The following CTDSPL2 variants were observed in gnomAD, a reference collection of about 807,000 sequenced individuals.
CTDSPL2 encodes the protein CTD small phosphatase-like protein 2.
CTDSPL2 carries 5 observed loss-of-function variants against 60.0 expected under a neutral mutation model. The observed-to-expected ratio is 0.08, with a 90% CI of 0.04 to 0.18. CTDSPL2 has a LOEUF of 0.18. CTDSPL2 is among the 10% of genes least tolerant of loss of function. The pLI is 1.00. For missense variants in CTDSPL2, 370 were observed against 548.8 expected (o/e 0.67, Z 3.26); for synonymous variants, 186 against 189.3 (o/e 0.98, Z 0.14).
chr15:44,496,343 G>C, intron 5 of CTDSPL2, 37 bp from the exon 6 acceptor site: 2 of 1,400,322 alleles, frequency 1.4e-6, no homozygotes, highest in Non-Finnish European at 2.0e-6. Context: ...GAAGCATTAA[G>C]TAAAAGCAAC....
At chr15:44,495,691 T>C (rs1273981121) in intron 5 of CTDSPL2, among the ~76,000 whole-genome samples, 2 of 152,116 alleles carry the variant, frequency 1.3e-5, no homozygotes, top group African/African-American at 4.8e-5. Flanking sequence ...CCCAACACTT[T>C]GGGAGGTTGA....
intron 8 of CTDSPL2, among the ~76,000 whole-genome samples, chr15:44,504,482 T>C (rs1325087012): frequency 6.6e-6 from 1 of 152,252 alleles, no homozygotes; most frequent in East Asian, 1.9e-4. Context: ...TTTATAATTT[T>C]GTAGTAAATA....
chr15:44,524,042 T>A, intron 12 of CTDSPL2, 67 bp from the exon 13 acceptor site: 1 of 1,212,164 alleles, frequency 8.2e-7, no homozygotes. Flanking sequence ...AAGGTAAGAA[T>A]GTATGTTATG....
chr15:44,518,462 T>G (rs557703534), intron 10 of CTDSPL2, among the ~76,000 whole-genome samples: 2 of 152,354 alleles, frequency 1.3e-5, no homozygotes, highest in East Asian at 3.9e-4. Context: ...TCTGAATTCC[T>G]CATTTCACTT....
intron 8 of CTDSPL2, among the ~76,000 whole-genome samples, chr15:44,509,948 T>C (rs938198885): frequency 1.3e-5 from 2 of 151,406 alleles, no homozygotes; most frequent in African/African-American, 4.9e-5. Context: ...TATATATTCA[T>C]TTTCTGTGTA....
At chr15:44,433,617 G>A (rs1040550695) in intron 1 of CTDSPL2, among the ~76,000 whole-genome samples, 11 of 151,800 alleles carry the variant, frequency 7.2e-5, no homozygotes, top group African/African-American at 2.4e-4. Flanking sequence ...TGAGTAGCTA[G>A]GACTACAGGT....
At chr15:44,510,250 G>T (rs1203024349) in intron 8 of CTDSPL2, among the ~76,000 whole-genome samples, 1 of 152,048 alleles carries the variant, frequency 6.6e-6, no homozygotes, top group East Asian at 1.9e-4. Context: ...CACTCGTCTT[G>T]GCCTCCCAAA....
intron 1 of CTDSPL2, among the ~76,000 whole-genome samples, chr15:44,450,859 A>G (rs965019680): frequency 6.6e-6 from 1 of 152,086 alleles, no homozygotes; most frequent in Non-Finnish European, 1.5e-5. Flanking sequence ...TGGCCTCCCA[A>G]AGTGCTGGGA....
Position 44,500,228 on chromosome 15 carries a change from G to C in CTDSPL2, c.969+415G>C, listed in dbSNP as rs532610367. Among the ~76,000 whole-genome samples, 12 of 152,268 alleles carry C rather than the reference G, an allele frequency of 7.9e-5. No homozygotes were observed. In the South Asian group the frequency reaches 2.5e-3, roughly 32 times the overall value. On this transcript the variant is annotated intron_variant, in intron 8 of 12. Coordinates refer to ENST00000260327, the MANE Select transcript of CTDSPL2 (RefSeq NM_016396.3). The stretch of plus-strand genomic sequence containing the variant: ...ATTTCCTATAGTAGTAATGTGGTCT[G>C]TGAAAATTACACTTTAGTACATCTC...
chr15:44,432,630 A>T (rs543149703), intron 1 of CTDSPL2, among the ~76,000 whole-genome samples: 5 of 139,504 alleles, frequency 3.6e-5, no homozygotes, highest in South Asian at 4.6e-4. Flanking sequence ...TATTATTATT[A>T]TTTTTTTGAA....
At position 44,524,738 on chromosome 15, in the gene CTDSPL2, AATTT is replaced by A; in HGVS notation, c.*565_*568del. 6.5e-6 allele frequency: 1 copy of A among 152,760 alleles called. No individual in the cohort carries two copies. Among genetic ancestry groups the A allele is most frequent in the East Asian group, 1.9e-4 (1 of 5,180 alleles). The allele number at this position is 152,760 out of a possible 1,614,324, so 9.5% of individuals were successfully genotyped here. On this transcript the variant is annotated 3_prime_UTR_variant, in exon 13 of 13. Transcript: ENST00000260327. Reference sequence around the variant, plus strand: ...GCTTCATAGTTTTCTGGAGATAGTCAATTTTTAGTTTTTTATTATACATTTGAAT... The same window carrying A: ...GCTTCATAGTTTTCTGGAGATAGTCATTAGTTTTTTATTATACATTTGAAT...
rs769813883 is a variant in CTDSPL2 at position 44,459,112 on chromosome 15, G to C, written c.98G>C (p.Ser33Thr). Residue 33 changes from serine to threonine, a missense_variant, in exon 2 of 13, where the codon AGC (serine) becomes ACC (threonine). Coordinates refer to ENST00000260327, the MANE Select transcript of CTDSPL2 (RefSeq NM_016396.3). ...AGGAAATATTCAGAGGTTGATGATA[G>C]CCTGCCTTCAGGAGGAGAAAAACCA... ...AKRKYSEVDD[S>T]LPSGGEKPSK... 6.2e-7 allele frequency: 1 copy of C among 1,613,310 alleles called. No individual in the cohort carries two copies. Among genetic ancestry groups the C allele is most frequent in the Non-Finnish European group, 8.5e-7 (1 of 1,179,588 alleles).
At chr15:44,476,926 G>T (rs891318128) in intron 2 of CTDSPL2, among the ~76,000 whole-genome samples, 25 of 152,190 alleles carry the variant, frequency 1.6e-4, no homozygotes, top group African/African-American at 6.0e-4. Flanking sequence ...GAGCACAGTA[G>T]AAGTGCACAA....
At chr15:44,523,975 ATCTC>A in intron 12 of CTDSPL2, 130 bp from the exon 13 acceptor site, 1 of 662,862 alleles carries the variant, frequency 1.5e-6, no homozygotes, top group Non-Finnish European at 2.7e-6. Flanking sequence ...TCTGTGTAGT[ATCTC>A]TATTTGGCAA....
Position 44,427,677 on chromosome 15 carries a change from C to G in CTDSPL2, c.-120C>G, listed in dbSNP as rs2141238837. Reference sequence around the variant, plus strand: ...TGGCGACTGGCTGAAGGAGCTGGTTCTGTTGCTGCTGCGGGGTAAGCGGGA... The same window carrying G: ...TGGCGACTGGCTGAAGGAGCTGGTTGTGTTGCTGCTGCGGGGTAAGCGGGA... On this transcript the variant is annotated 5_prime_UTR_variant, in exon 1 of 13. Coordinates refer to ENST00000260327, the MANE Select transcript of CTDSPL2 (RefSeq NM_016396.3). 1 of 399,388 alleles carries G rather than the reference C, an allele frequency of 2.5e-6. No homozygotes were observed. Among genetic ancestry groups the G allele is most frequent in the East Asian group, 3.6e-5 (1 of 28,080 alleles). 24.7% of individuals were successfully genotyped at this position (399,388 alleles called of 1,614,324 possible).
intron 8 of CTDSPL2, among the ~76,000 whole-genome samples, chr15:44,507,141 G>A (rs1567099520): frequency 6.6e-6 from 1 of 151,510 alleles, no homozygotes; most frequent in Non-Finnish European, 1.5e-5. Context: ...CTAGAGTATG[G>A]TGGCACCATC....
At chr15:44,486,099 G>A (rs2081113705) in intron 3 of CTDSPL2, among the ~76,000 whole-genome samples, 1 of 152,152 alleles carries the variant, frequency 6.6e-6, no homozygotes, top group African/African-American at 2.4e-5. Context: ...CTTCAGTAGA[G>A]TTATGTTGCC....
At position 44,514,710 on chromosome 15, in the gene CTDSPL2, A is replaced by G. The variant is rs200302537; in HGVS notation, c.1032+50A>G. ...TATGTATTTTTATTTTATTCAATAT[A>G]GTACCCATATTTAGACCATGTATAA... is the stretch of plus-strand genomic sequence containing the variant. On this transcript the variant is annotated intron_variant, in intron 9 of 12. Transcript: ENST00000260327. The G allele has an allele frequency of 2.0e-5, 30 of 1,502,992 alleles. No individual in the cohort carries two copies. In the African/African-American group the frequency reaches 3.4e-4, roughly 17 times the overall value. The allele number at this position is 1,502,992 out of a possible 1,614,324, so 93.1% of individuals were successfully genotyped here.
intron 1 of CTDSPL2, chr15:44,449,075 TTCTGTC>T (rs370789238): frequency 1.9e-5 from 6 of 323,230 alleles, no homozygotes; most frequent in African/African-American, 6.8e-5. Flanking sequence ...TTCCAAGTCT[TTCTGTC>T]TGTAATACAT....
Sources: gnomAD v4.1 joint callset for allele counts (sites outside exome capture counted in the v4.1 genomes callset) on GRCh38, gnomAD v4.1.1 for gene constraint, MANE v1.5 for transcripts, NCBI Gene and HGNC (gene_info 2026-07-23, HGNC 2026-07-21) for gene names.